The following SLC35D4 variants were observed in gnomAD, a reference collection of about 807,000 sequenced individuals.
SLC35D4 encodes the protein UDP-N-acetylglucosamine transporter SLC35D4.
At chr18:23,377,839 T>G in the SLC35D4 span, among the ~76,000 whole-genome samples, 3 of 152,104 alleles carry the variant, frequency 2.0e-5, no homozygotes, top group African/African-American at 7.2e-5. Flanking sequence ...TTGGGCCAAA[T>G]GAAGGATGAC....
chr18:23,284,750 C>T, the SLC35D4 span, among the ~76,000 whole-genome samples: 2 of 152,044 alleles, frequency 1.3e-5, no homozygotes, highest in Admixed American at 6.5e-5. Flanking sequence ...TGTTATTTCC[C>T]GTCCCTACAC....
the SLC35D4 span, among the ~76,000 whole-genome samples, chr18:23,244,815 A>G: frequency 6.6e-6 from 1 of 152,218 alleles, no homozygotes; most frequent in Admixed American, 6.5e-5. Context: ...CCTGGGGTGC[A>G]GGCAGCACTA....
At chr18:23,394,446 C>T in the SLC35D4 span, among the ~76,000 whole-genome samples, 13 of 152,252 alleles carry the variant, frequency 8.5e-5, no homozygotes, top group Admixed American at 2.0e-4. Context: ...TCTATATAGC[C>T]TATAAGTGAA....
the SLC35D4 span, among the ~76,000 whole-genome samples, chr18:23,350,279 T>C: frequency 2.0e-5 from 3 of 152,188 alleles, no homozygotes; most frequent in Non-Finnish European, 4.4e-5. Flanking sequence ...AAATCTGGTG[T>C]CTAAGGGTCA....
chr18:23,364,210 T>C, the SLC35D4 span, among the ~76,000 whole-genome samples: 1 of 152,198 alleles, frequency 6.6e-6, no homozygotes, highest in Non-Finnish European at 1.5e-5. Context: ...AAGCAGCCAA[T>C]TCACCTTTCT....
chr18:23,316,123 C>T, the SLC35D4 span, among the ~76,000 whole-genome samples: 21 of 152,212 alleles, frequency 1.4e-4, no homozygotes, highest in African/African-American at 4.8e-4. Flanking sequence ...CTCTTCTATA[C>T]CCTCCAACTC....
At chr18:23,402,838 G>C in the SLC35D4 span, among the ~76,000 whole-genome samples, 1 of 150,850 alleles carries the variant, frequency 6.6e-6, no homozygotes, top group South Asian at 2.1e-4. Context: ...CAGGTGTGGT[G>C]ACTCACGCCT....
the SLC35D4 span, chr18:23,257,754 A>G: frequency 5.8e-6 from 1 of 171,934 alleles, no homozygotes. Context: ...ATACGGGGGA[A>G]GAGAGTCTGC....
chr18:23,321,275 A>G, the SLC35D4 span, among the ~76,000 whole-genome samples: 1 of 151,988 alleles, frequency 6.6e-6, no homozygotes. Flanking sequence ...TTTTTCCCCT[A>G]GTTGTTTCGG....
the SLC35D4 span, among the ~76,000 whole-genome samples, chr18:23,283,471 CAAAAAAA>C: frequency 1.6e-4 from 7 of 44,448 alleles, no homozygotes; most frequent in Non-Finnish European, 2.1e-4. Flanking sequence ...GACCCAGTCT[CAAAAAAA>C]AAAAAAAAAA....
At chr18:23,394,843 C>T in the SLC35D4 span, among the ~76,000 whole-genome samples, 11 of 151,842 alleles carry the variant, frequency 7.2e-5, no homozygotes, top group Admixed American at 3.3e-4. Flanking sequence ...AGTAGCCAGG[C>T]GTGGTGGTGC....
At chr18:23,243,775 G>A in the SLC35D4 span, among the ~76,000 whole-genome samples, 21 of 151,520 alleles carry the variant, frequency 1.4e-4, no homozygotes, top group Non-Finnish European at 2.1e-4. Flanking sequence ...AGGAGGCTGA[G>A]GCAGGAGAAT....
the SLC35D4 span, among the ~76,000 whole-genome samples, chr18:23,315,903 G>A: frequency 6.6e-6 from 1 of 152,228 alleles, no homozygotes; most frequent in East Asian, 1.9e-4. Flanking sequence ...ACATTTTATT[G>A]GAGGAAGGTA....
chr18:23,248,535 TTTTA>T, the SLC35D4 span, among the ~76,000 whole-genome samples: 22,292 of 136,700 alleles, frequency 0.16, 2,520 homozygotes, highest in Admixed American at 0.32. Flanking sequence ...TTTTTTTTTT[TTTTA>T]AAAAAAGGCT....
At chr18:23,310,102 G>T in the SLC35D4 span, 1 of 524,948 alleles carries the variant, frequency 1.9e-6, no homozygotes, top group Non-Finnish European at 2.4e-6. Flanking sequence ...TTTTGTCTCA[G>T]CAGTGCAGAA....
the SLC35D4 span, among the ~76,000 whole-genome samples, chr18:23,392,001 G>A: frequency 6.6e-6 from 1 of 150,736 alleles, no homozygotes; most frequent in East Asian, 2.0e-4. Flanking sequence ...GCAGTGATGC[G>A]ATCTTGGCTC....
the SLC35D4 span, among the ~76,000 whole-genome samples, chr18:23,366,720 C>T: frequency 3.9e-5 from 6 of 152,176 alleles, no homozygotes; most frequent in African/African-American, 7.2e-5. Context: ...AGCTGTCTCC[C>T]GGAGCCATTT....
chr18:23,371,422 C>A, the SLC35D4 span: 4 of 1,585,514 alleles, frequency 2.5e-6, no homozygotes, highest in African/African-American at 5.5e-5. Context: ...TAAAACTTAC[C>A]TACACAGAGT....
chr18:23,329,741 A>T, the SLC35D4 span, among the ~76,000 whole-genome samples: 5 of 152,360 alleles, frequency 3.3e-5, no homozygotes, highest in South Asian at 1.0e-3. Flanking sequence ...ATGGTACTAT[A>T]AAGACACATG....
Sources: gnomAD v4.1 joint callset for allele counts (sites outside exome capture counted in the v4.1 genomes callset) on GRCh38, gnomAD v4.1.1 for gene constraint, MANE v1.5 for transcripts, NCBI Gene and HGNC (gene_info 2026-07-23, HGNC 2026-07-21) for gene names.